FAM171A1: variants seen among roughly 807,000 people sequenced by gnomAD.
FAM171A1 encodes protein FAM171A1.
Under a neutral mutation model 74.9 loss-of-function variants are expected in FAM171A1, and 23 were observed. That is an observed-to-expected ratio of 0.31 (90% CI 0.22 to 0.44). FAM171A1 has a LOEUF of 0.44. FAM171A1 is among the 20% of genes least tolerant of loss of function. FAM171A1 has a pLI of 1.00. For synonymous variants in FAM171A1, 527 were observed against 505.7 expected (o/e 1.04, Z -0.57); for missense variants, 1,162 against 1,159.2 (o/e 1.00, Z -0.03).
intron 1 of FAM171A1, among the ~76,000 whole-genome samples, chr10:15,344,948 G>A (rs1185792064): frequency 6.6e-6 from 1 of 152,156 alleles, no homozygotes; most frequent in African/African-American, 2.4e-5. Flanking sequence ...CCTGAACAAA[G>A]GACACAGCAG....
At chr10:15,287,211 C>T (rs1379985113) in intron 1 of FAM171A1, among the ~76,000 whole-genome samples, 1 of 150,814 alleles carries the variant, frequency 6.6e-6, no homozygotes, top group African/African-American at 2.4e-5. Flanking sequence ...CCTGCCTCAG[C>T]CTCCCGAGTA....
chr10:15,302,917 G>A (rs1002670482), intron 1 of FAM171A1, among the ~76,000 whole-genome samples: 4 of 152,282 alleles, frequency 2.6e-5, no homozygotes, highest in Admixed American at 6.5e-5. Flanking sequence ...GGCCGGGCGC[G>A]GTGGCTCACA....
At chr10:15,329,798 TAGAC>T (rs1413355256) in intron 1 of FAM171A1, among the ~76,000 whole-genome samples, 1 of 152,044 alleles carries the variant, frequency 6.6e-6, no homozygotes, top group Non-Finnish European at 1.5e-5. Flanking sequence ...GAGAACTAAG[TAGAC>T]AGAAAGAAAC....
chr10:15,327,315 C>T (rs751396100), intron 1 of FAM171A1, among the ~76,000 whole-genome samples: 9 of 152,132 alleles, frequency 5.9e-5, no homozygotes, highest in South Asian at 2.1e-4. Flanking sequence ...ATGTGCTCAG[C>T]GCTCACTAGA....
intron 3 of FAM171A1, among the ~76,000 whole-genome samples, chr10:15,258,464 CT>C (rs1834611555): frequency 1.3e-5 from 2 of 152,222 alleles, no homozygotes; most frequent in Non-Finnish European, 2.9e-5. Flanking sequence ...CGTCAGCAAT[CT>C]CTTTCTCTAT....
chr10:15,271,280 T>C (rs1324606386), intron 3 of FAM171A1, among the ~76,000 whole-genome samples: 1 of 152,096 alleles, frequency 6.6e-6, no homozygotes, highest in Non-Finnish European at 1.5e-5. Flanking sequence ...GAAGAAAGGG[T>C]ATCAGCGACT....
chr10:15,282,952 C>T (rs1343941687), intron 2 of FAM171A1, among the ~76,000 whole-genome samples: 1 of 152,218 alleles, frequency 6.6e-6, no homozygotes, highest in African/African-American at 2.4e-5. Flanking sequence ...TAGCCCAGAT[C>T]TCTCTCTTGA....
chr10:15,335,614 G>A (rs1028744957), intron 1 of FAM171A1, among the ~76,000 whole-genome samples: 2 of 152,142 alleles, frequency 1.3e-5, no homozygotes, highest in Non-Finnish European at 1.5e-5. Context: ...CAATAATGTC[G>A]AGATTTGACA....
At chr10:15,263,488 T>A (rs1588519377) in intron 3 of FAM171A1, among the ~76,000 whole-genome samples, 1 of 152,336 alleles carries the variant, frequency 6.6e-6, no homozygotes, top group East Asian at 1.9e-4. Context: ...CACAGACAAG[T>A]TTGGAAACAA....
intron 1 of FAM171A1, among the ~76,000 whole-genome samples, chr10:15,298,437 A>G (rs1458851830): frequency 6.6e-6 from 1 of 152,188 alleles, no homozygotes; most frequent in African/African-American, 2.4e-5. Flanking sequence ...CCCGGCCATG[A>G]ATCAACCAGT....
intron 1 of FAM171A1, among the ~76,000 whole-genome samples, chr10:15,287,856 C>T (rs150560095): frequency 9.9e-5 from 15 of 151,954 alleles, no homozygotes; most frequent in Non-Finnish European, 1.5e-4. Context: ...GATTCTGGTG[C>T]GCCCATCACC....
intron 1 of FAM171A1, among the ~76,000 whole-genome samples, chr10:15,309,240 G>A (rs886723587): frequency 6.6e-6 from 1 of 152,190 alleles, no homozygotes; most frequent in African/African-American, 2.4e-5. Context: ...ACAGGGCCTT[G>A]TTCTGTTGCC....
At chr10:15,245,438 T>A (rs796466931) in intron 5 of FAM171A1, among the ~76,000 whole-genome samples, 6 of 152,344 alleles carry the variant, frequency 3.9e-5, no homozygotes, top group African/African-American at 1.4e-4. Flanking sequence ...CAGCCTGCCT[T>A]GCAATTTTGG....
chr10:15,305,160 G>A (rs1231840504), intron 1 of FAM171A1, among the ~76,000 whole-genome samples: 4 of 152,280 alleles, frequency 2.6e-5, no homozygotes, highest in East Asian at 3.9e-4. Context: ...GTGAAGATAC[G>A]CCATGAACAA....
intron 6 of FAM171A1, among the ~76,000 whole-genome samples, chr10:15,217,977 A>C (rs1588492981): frequency 1.3e-5 from 2 of 152,282 alleles, no homozygotes; most frequent in African/African-American, 4.8e-5. Context: ...ATTCCCACGG[A>C]TGTAGCAAAG....
intron 1 of FAM171A1, among the ~76,000 whole-genome samples, chr10:15,289,309 C>T (rs1384296384): frequency 1.3e-5 from 2 of 152,066 alleles, no homozygotes; most frequent in Non-Finnish European, 2.9e-5. Flanking sequence ...ATAAACGGTC[C>T]CAGACCTAAA....
At chr10:15,271,941 C>G (rs1024812064) in intron 3 of FAM171A1, among the ~76,000 whole-genome samples, 2 of 152,144 alleles carry the variant, frequency 1.3e-5, no homozygotes, top group African/African-American at 4.8e-5. Context: ...ATGCCAAATT[C>G]TAAAGACCAC....
chr10:15,221,922 G>C (rs1216903431), intron 5 of FAM171A1, among the ~76,000 whole-genome samples: 1 of 152,080 alleles, frequency 6.6e-6, no homozygotes, highest in Non-Finnish European at 1.5e-5. Flanking sequence ...TTTTTACTTT[G>C]TGAAGTTTCT....
At chr10:15,339,210 G>A (rs1835736263) in intron 1 of FAM171A1, among the ~76,000 whole-genome samples, 2 of 152,190 alleles carry the variant, frequency 1.3e-5, no homozygotes, top group African/African-American at 4.8e-5. Context: ...GAATTCCTAT[G>A]TATCTCTCAC....
Sources: gnomAD v4.1 joint callset for allele counts (sites outside exome capture counted in the v4.1 genomes callset) on GRCh38, gnomAD v4.1.1 for gene constraint, MANE v1.5 for transcripts, NCBI Gene and HGNC (gene_info 2026-07-23, HGNC 2026-07-21) for gene names.